Variants in CAMK1D observed in about 807,000 individuals in gnomAD.
The protein encoded by CAMK1D is calcium/calmodulin dependent protein kinase ID.
A neutral mutation model predicts 47.7 loss-of-function variants in CAMK1D; 9 were observed. The ratio of observed to expected loss-of-function variants is 0.19; its 90% CI spans 0.11 to 0.33. CAMK1D has a LOEUF of 0.33. Among genes scored for constraint, CAMK1D ranks in the 10% least tolerant of loss-of-function variants. The pLI, the probability that CAMK1D is intolerant of heterozygous loss-of-function variation, is 1.00. For synonymous variants in CAMK1D, 184 were observed against 184.9 expected (o/e 0.99, Z 0.04); for missense variants, 291 against 488.7 (o/e 0.60, Z 3.81).
intron 1 of CAMK1D, among the ~76,000 whole-genome samples, chr10:12,543,072 G>A (rs1348223798): frequency 3.9e-5 from 6 of 151,994 alleles, no homozygotes; most frequent in African/African-American, 9.7e-5. Flanking sequence ...TTTTGAGATG[G>A]AGTCTTGCTC....
At chr10:12,605,846 A>G (rs771447819) in intron 2 of CAMK1D, among the ~76,000 whole-genome samples, 24 of 152,104 alleles carry the variant, frequency 1.6e-4, no homozygotes, top group Non-Finnish European at 3.2e-4. Flanking sequence ...ACCAAAAGTA[A>G]ACAGCTCAGC....
At chr10:12,488,515 G>A (rs142505655) in intron 1 of CAMK1D, among the ~76,000 whole-genome samples, 23 of 152,254 alleles carry the variant, frequency 1.5e-4, no homozygotes, top group Non-Finnish European at 2.2e-4. Context: ...AAATGTTTCC[G>A]TGGACTGGGA....
chr10:12,429,095 C>T (rs1226758175), intron 1 of CAMK1D, among the ~76,000 whole-genome samples: 1 of 152,138 alleles, frequency 6.6e-6, no homozygotes, highest in South Asian at 2.1e-4. Flanking sequence ...TCTGCCCACC[C>T]ACTGCCATCT....
chr10:12,742,376 C>T (rs761229401), intron 3 of CAMK1D, among the ~76,000 whole-genome samples: 1 of 152,234 alleles, frequency 6.6e-6, no homozygotes, highest in East Asian at 1.9e-4. Context: ...CTCAGGCAAT[C>T]CGCCTGCCTT....
intron 1 of CAMK1D, among the ~76,000 whole-genome samples, chr10:12,450,438 G>A (rs777243745): frequency 5.9e-5 from 9 of 152,108 alleles, no homozygotes; most frequent in Non-Finnish European, 1.3e-4. Flanking sequence ...TTAATTTCTT[G>A]TTCTTAAAGA....
chr10:12,416,583 A>C (rs1312112702), intron 1 of CAMK1D, among the ~76,000 whole-genome samples: 1 of 152,108 alleles, frequency 6.6e-6, no homozygotes, highest in Non-Finnish European at 1.5e-5. Context: ...GAAAAATCCC[A>C]CAGTTGTGCC....
intron 2 of CAMK1D, among the ~76,000 whole-genome samples, chr10:12,650,251 A>T (rs951220674): frequency 1.3e-5 from 2 of 152,212 alleles, no homozygotes; most frequent in South Asian, 2.1e-4. Flanking sequence ...TGCAGGGCTC[A>T]CCAGCCCAGA....
intron 2 of CAMK1D, among the ~76,000 whole-genome samples, chr10:12,577,657 G>A (rs1021232770): frequency 2.6e-5 from 4 of 151,980 alleles, no homozygotes; most frequent in African/African-American, 9.7e-5. Context: ...ACCAGTTCTC[G>A]ATTGGTTCAC....
Position 12,453,616 on chromosome 10 carries a change from A to G in CAMK1D, c.93-99609A>G, listed in dbSNP as rs148630745. On this transcript the variant is annotated intron_variant, in intron 1 of 10. Coordinates refer to ENST00000619168, the MANE Select transcript of CAMK1D (RefSeq NM_153498.4). ...GCTATTGTGAATCATGCTGCTAGGA[A>G]TATTGGTGTATGACTATGTTGCATT... Among the ~76,000 whole-genome samples the G allele has an allele frequency of 6.9e-3, 1,055 of 152,312 alleles. 14 individuals carry two copies. Among genetic ancestry groups the G allele is most frequent in the African/African-American group, 0.023 (971 of 41,560 alleles).
intron 6 of CAMK1D, 94 bp from the exon 7 acceptor site, chr10:12,814,101 C>A: frequency 1.2e-6 from 1 of 824,394 alleles, no homozygotes; most frequent in Non-Finnish European, 2.0e-6. Flanking sequence ...ATTTTCTTAA[C>A]TCAGTTGGTA....
chr10:12,806,286 A>G (rs1838727174), intron 6 of CAMK1D, among the ~76,000 whole-genome samples: 1 of 152,144 alleles, frequency 6.6e-6, no homozygotes, highest in African/African-American at 2.4e-5. Flanking sequence ...GAGAATAGGG[A>G]CTCAGACCGT....
intron 3 of CAMK1D, among the ~76,000 whole-genome samples, chr10:12,745,498 A>T (rs549916969): frequency 6.6e-6 from 1 of 152,262 alleles, no homozygotes; most frequent in Non-Finnish European, 1.5e-5. Context: ...TGAAGAAAGC[A>T]TCTCTATCTA....
chr10:12,710,219 C>T (rs1833883844), intron 3 of CAMK1D, among the ~76,000 whole-genome samples: 1 of 152,210 alleles, frequency 6.6e-6, no homozygotes, highest in Non-Finnish European at 1.5e-5. Context: ...AATTTTCCCA[C>T]TTAGAACCTA....
intron 1 of CAMK1D, among the ~76,000 whole-genome samples, chr10:12,405,263 C>A (rs1351186913): frequency 2.0e-5 from 3 of 152,114 alleles, no homozygotes; most frequent in Admixed American, 1.3e-4. Flanking sequence ...ATTTTGCAGA[C>A]CTAAAGCGTT....
chr10:12,533,476 A>G (rs1018424240), intron 1 of CAMK1D, among the ~76,000 whole-genome samples: 3 of 152,238 alleles, frequency 2.0e-5, no homozygotes, highest in Admixed American at 1.3e-4. Context: ...TTTTCCTGCC[A>G]TAAACTTCCG....
chr10:12,533,846 GTTCT>G lies in CAMK1D; in HGVS notation c.93-19374_93-19371del, dbSNP rs1325022163. 2.0e-5 allele frequency among the ~76,000 whole-genome samples: 3 copies of G among 152,242 alleles called. No homozygotes were observed. In the East Asian group the frequency reaches 5.8e-4, roughly 29 times the overall value. ...TCTGTAAAGATACAAGAAACCCTAG[GTTCT>G]TTCTGTTTATTTCTGTTCCATCACC... On this transcript the variant is annotated intron_variant, in intron 1 of 10. Coordinates refer to ENST00000619168, the MANE Select transcript of CAMK1D (RefSeq NM_153498.4).
intron 3 of CAMK1D, among the ~76,000 whole-genome samples, chr10:12,720,469 C>T (rs1214152791): frequency 6.6e-6 from 1 of 152,210 alleles, no homozygotes; most frequent in Non-Finnish European, 1.5e-5. Flanking sequence ...TGACCAGTTT[C>T]TTCCAACAAG....
At chr10:12,352,295 G>A (rs991689724) in intron 1 of CAMK1D, among the ~76,000 whole-genome samples, 5 of 152,166 alleles carry the variant, frequency 3.3e-5, no homozygotes, top group African/African-American at 9.7e-5. Flanking sequence ...TTTGGAACGC[G>A]AACTTTAATA....
At chr10:12,656,851 CA>C (rs959769656) in intron 2 of CAMK1D, among the ~76,000 whole-genome samples, 6 of 151,900 alleles carry the variant, frequency 3.9e-5, no homozygotes, top group East Asian at 1.9e-4. Flanking sequence ...TGTGTATATA[CA>C]TTTTTTTTAC....
Sources: gnomAD v4.1 joint callset for allele counts (sites outside exome capture counted in the v4.1 genomes callset) on GRCh38, gnomAD v4.1.1 for gene constraint, MANE v1.5 for transcripts, NCBI Gene and HGNC (gene_info 2026-07-23, HGNC 2026-07-21) for gene names.